TMEM132B: variants seen among roughly 807,000 people sequenced by gnomAD.
TMEM132B encodes the protein transmembrane protein 132B.
In TMEM132B, 18 loss-of-function variants were observed where a neutral mutation model predicts 90.8. That is an observed-to-expected ratio of 0.20 (90% CI 0.14 to 0.29). The LOEUF (loss-of-function observed/expected upper bound fraction) is 0.29. Among genes scored for constraint, TMEM132B ranks in the 10% least tolerant of loss-of-function variants. TMEM132B has a pLI of 1.00. For missense variants in TMEM132B, 1,096 were observed against 1,326.8 expected (o/e 0.83, Z 2.70); for synonymous variants, 504 against 523.3 (o/e 0.96, Z 0.50).
At chr12:125,267,937 C>T (rs529651619) in intron 1 of TMEM132B, among the ~76,000 whole-genome samples, 3 of 152,068 alleles carry the variant, frequency 2.0e-5, no homozygotes, top group Non-Finnish European at 4.4e-5. Flanking sequence ...GGTTGGTGCT[C>T]TCTACTCTAA....
intron 1 of TMEM132B, among the ~76,000 whole-genome samples, chr12:125,285,152 C>G (rs532307612): frequency 6.6e-6 from 1 of 152,328 alleles, no homozygotes; most frequent in Admixed American, 6.5e-5. Context: ...GTGACAATCT[C>G]TGACCCAATC....
At chr12:125,422,882 G>A (rs192654968) in intron 3 of TMEM132B, among the ~76,000 whole-genome samples, 61 of 152,332 alleles carry the variant, frequency 4.0e-4, no homozygotes, top group African/African-American at 1.4e-3. Context: ...AAGTGTGAAA[G>A]AATAAGTCTC....
chr12:125,499,941 C>T (rs1882654124), intron 3 of TMEM132B, among the ~76,000 whole-genome samples: 2 of 152,142 alleles, frequency 1.3e-5, no homozygotes, highest in South Asian at 4.1e-4. Context: ...ATTACTTCAT[C>T]CCTATGTGAC....
intron 1 of TMEM132B, among the ~76,000 whole-genome samples, chr12:125,248,273 A>T (rs1405185682): frequency 1.3e-5 from 2 of 152,190 alleles, no homozygotes; most frequent in East Asian, 3.8e-4. Flanking sequence ...AGAAAAGAGA[A>T]CCTCAGAAAC....
At chr12:125,622,888 T>A (rs1886145284) in intron 5 of TMEM132B, among the ~76,000 whole-genome samples, 1 of 152,220 alleles carries the variant, frequency 6.6e-6, no homozygotes, top group African/African-American at 2.4e-5. Context: ...AATAAATTTT[T>A]ATAGTTTCAA....
chr12:125,395,481 C>A (rs1193310326), intron 2 of TMEM132B, among the ~76,000 whole-genome samples: 1 of 152,140 alleles, frequency 6.6e-6, no homozygotes, highest in Non-Finnish European at 1.5e-5. Context: ...CATAAATTCC[C>A]TTTATTTAAT....
Position 125,350,061 on chromosome 12 carries a change from T to C in TMEM132B, c.677T>C (p.Leu226Pro). ...GGTTMELFFT[L>P]YPADKAGQCP... Reference sequence around the variant, plus strand: ...ACCACGATGGAGCTCTTCTTCACGCTCTACCCAGCTGACAAGGCTGGCCAG... The same window carrying C: ...ACCACGATGGAGCTCTTCTTCACGCCCTACCCAGCTGACAAGGCTGGCCAG... The change falls in exon 2 of 9, where the codon CTC becomes CCC. Residue 226 changes from leucine (L) to proline (P), a missense_variant. By Grantham distance (98) the Leu-to-Pro change is moderately conservative. Coordinates refer to ENST00000682704, the MANE Select transcript of TMEM132B (RefSeq NM_001366854.1). The C allele has an allele frequency of 6.2e-7, 1 of 1,614,196 alleles. No individual in the cohort carries two copies. Among genetic ancestry groups the C allele is most frequent in the Non-Finnish European group, 8.5e-7 (1 of 1,180,036 alleles).
At chr12:125,205,735 G>A (rs1162393509) in intron 1 of TMEM132B, among the ~76,000 whole-genome samples, 1 of 152,220 alleles carries the variant, frequency 6.6e-6, no homozygotes, top group African/African-American at 2.4e-5. Context: ...TCAAGACAGA[G>A]CCAGCTGGCA....
intron 1 of TMEM132B, among the ~76,000 whole-genome samples, chr12:125,319,905 A>G (rs868428591): frequency 6.6e-6 from 1 of 151,960 alleles, no homozygotes; most frequent in Non-Finnish European, 1.5e-5. Flanking sequence ...AGTTCCAGCC[A>G]CTTGGGAGGC....
intron 1 of TMEM132B, among the ~76,000 whole-genome samples, chr12:125,222,380 G>C (rs1324768819): frequency 6.6e-6 from 1 of 152,134 alleles, no homozygotes; most frequent in Non-Finnish European, 1.5e-5. Context: ...ATGCTGGGGT[G>C]GGTCAGCACC....
chr12:125,597,701 G>A (rs1024092411), intron 5 of TMEM132B, among the ~76,000 whole-genome samples: 13 of 152,156 alleles, frequency 8.5e-5, no homozygotes, highest in African/African-American at 3.1e-4. Flanking sequence ...CAGAGATGGA[G>A]AATTCAGATT....
chr12:125,492,249 C>A lies in TMEM132B; in HGVS notation c.1107-27190C>A, dbSNP rs1253047738. Among the ~76,000 whole-genome samples the A allele has an allele frequency of 6.6e-6, 1 of 152,192 alleles. No individual in the cohort carries two copies. Among genetic ancestry groups the A allele is most frequent in the Non-Finnish European group, 1.5e-5 (1 of 68,030 alleles). ...GCAAATGTTTCCTGTGCAAGTTACA[C>A]CTGCCGTGGCAGCTCAGCCTTCCTC... On this transcript the variant is annotated intron_variant, in intron 3 of 8. Transcript: ENST00000682704. This position sits in a 1 kb window ranked among gnomAD's most constrained non-coding sequence, Gnocchi z 5.8.
At chr12:125,289,476 T>C (rs1875472093) in intron 1 of TMEM132B, among the ~76,000 whole-genome samples, 1 of 152,144 alleles carries the variant, frequency 6.6e-6, no homozygotes, top group Non-Finnish European at 1.5e-5. Context: ...CACTCTTAAG[T>C]GGTGAAGCTG....
chr12:125,237,025 C>T (rs1458735981), intron 1 of TMEM132B, among the ~76,000 whole-genome samples: 1 of 152,204 alleles, frequency 6.6e-6, no homozygotes, highest in East Asian at 1.9e-4. Context: ...GGCTCAAGCC[C>T]CACTGAGTGT....
intron 3 of TMEM132B, among the ~76,000 whole-genome samples, chr12:125,419,802 A>G (rs1352209463): frequency 6.6e-6 from 1 of 152,210 alleles, no homozygotes; most frequent in Non-Finnish European, 1.5e-5. Context: ...AATCAAAAGC[A>G]AGTTAGTTAC....
At chr12:125,265,618 ACT>A (rs1296209079) in intron 1 of TMEM132B, among the ~76,000 whole-genome samples, 5 of 152,172 alleles carry the variant, frequency 3.3e-5, no homozygotes, top group East Asian at 1.9e-4. Context: ...AACTGAACAC[ACT>A]CATGAAAACA....
intron 2 of TMEM132B, among the ~76,000 whole-genome samples, chr12:125,378,653 A>G (rs1878567992): frequency 6.6e-6 from 1 of 152,166 alleles, no homozygotes; most frequent in African/African-American, 2.4e-5. Flanking sequence ...TAGAGCTCCC[A>G]CCCAGAGCTA....
rs1285152355 is a variant in TMEM132B, at chr12:125,445,519, A to T, written c.1106+29842A>T. On this transcript the variant is annotated intron_variant, in intron 3 of 8. Coordinates refer to ENST00000682704, the MANE Select transcript of TMEM132B (RefSeq NM_001366854.1). The surrounding 1 kb of genome is among the most constrained non-coding windows in gnomAD (Gnocchi z 4.3). ...GAGGACACTGGAGGAACATGGTAGG[A>T]GGAGGGATCTGCATCTGGAGTGCTG... 6.6e-6 allele frequency among the ~76,000 whole-genome samples: 1 copy of T among 152,190 alleles called. No individual in the cohort carries two copies. The highest frequency in any genetic ancestry group is 2.4e-5 in the African/African-American group (1 of 41,452).
chr12:125,192,100 T>C (rs1872807590), intron 1 of TMEM132B, among the ~76,000 whole-genome samples: 1 of 152,216 alleles, frequency 6.6e-6, no homozygotes, highest in Non-Finnish European at 1.5e-5. Context: ...ACACAATAAC[T>C]AACCCTGCTG....
Sources: gnomAD v4.1 joint callset for allele counts (sites outside exome capture counted in the v4.1 genomes callset) on GRCh38, gnomAD v4.1.1 for gene constraint, Gnocchi (gnomAD v3.1) non-coding constraint, MANE v1.5 for transcripts, NCBI Gene and HGNC (gene_info 2026-07-23, HGNC 2026-07-21) for gene names.